The following TM9SF4 variants were observed in gnomAD, a reference collection of about 807,000 sequenced individuals.
The protein encoded by TM9SF4 is dinucleotide oxidase disulfide thiol exchanger 3 superfamily member 4.
Under a neutral mutation model 90.4 loss-of-function variants are expected in TM9SF4, and 26 were observed. The ratio of observed to expected loss-of-function variants is 0.29; its 90% CI spans 0.21 to 0.40. TM9SF4 has a LOEUF of 0.40. Ranked by LOEUF, TM9SF4 falls within the 10% of genes least tolerant of loss-of-function variation. The pLI is 1.00. For missense variants in TM9SF4, 549 were observed against 834.8 expected (o/e 0.66, Z 4.22); for synonymous variants, 293 against 315.4 (o/e 0.93, Z 0.75).
In TM9SF4 at chr20:32,133,065, C is replaced by T; in HGVS notation, c.68C>T (p.Ala23Val). 1 of 1,614,176 alleles carries T rather than the reference C, an allele frequency of 6.2e-7. No individual in the cohort carries two copies. The highest frequency in any genetic ancestry group is 8.5e-7 in the Non-Finnish European group (1 of 1,180,026). Residue 23 changes from alanine to valine, a missense_variant, in exon 2 of 18, where the codon GCC becomes GTC. By Grantham distance (64) the Ala-to-Val change is moderately conservative (BLOSUM62 0). Transcript: ENST00000398022. ...LLFSLMCETSAFYVPGVAPIN... is the reference protein window; with the variant it reads ...LLFSLMCETSVFYVPGVAPIN... ...TTCTCCCTGATGTGTGAAACAAGCG[C>T]CTTCTATGTGCCTGGGGTCGCGCCT...
At chr20:32,132,911 T>C (rs545983147) in intron 1 of TM9SF4, 102 bp from the exon 2 acceptor site, 15 of 1,001,998 alleles carry the variant, frequency 1.5e-5, no homozygotes, top group Non-Finnish European at 2.2e-5. Flanking sequence ...GTGGCTACAC[T>C]GGGTCAATTA....
intron 3 of TM9SF4, among the ~76,000 whole-genome samples, chr20:32,140,238 C>T (rs1184490222): frequency 2.6e-5 from 4 of 152,206 alleles, no homozygotes; most frequent in Non-Finnish European, 4.4e-5. Context: ...AGAATGAAAG[C>T]ACCATGGGGT....
At chr20:32,134,788 T>C (rs933255941) in intron 2 of TM9SF4, among the ~76,000 whole-genome samples, 1 of 152,088 alleles carries the variant, frequency 6.6e-6, no homozygotes, top group East Asian at 1.9e-4. Flanking sequence ...TTCTCCTGCC[T>C]CAGCCTCCTG....
chr20:32,152,395 C>A (rs1600330662), intron 12 of TM9SF4, among the ~76,000 whole-genome samples: 1 of 151,128 alleles, frequency 6.6e-6, no homozygotes, highest in East Asian at 1.9e-4. Context: ...TGATCCAGGC[C>A]CCCCAAGCCA....
At chr20:32,120,142 A>G (rs2046282846) in intron 1 of TM9SF4, among the ~76,000 whole-genome samples, 2 of 152,188 alleles carry the variant, frequency 1.3e-5, no homozygotes, top group Admixed American at 6.5e-5. Flanking sequence ...GTATTTCCAT[A>G]TAAATGCTAG....
chr20:32,141,465 G>A (rs1195101850), intron 3 of TM9SF4, 32 bp from the exon 4 acceptor site: 5 of 1,611,108 alleles, frequency 3.1e-6, no homozygotes, highest in Non-Finnish European at 4.2e-6. Flanking sequence ...CAGGGCTGAA[G>A]CTCTGAGCTT....
At chr20:32,153,141 A>C (rs1487283701) in intron 12 of TM9SF4, among the ~76,000 whole-genome samples, 2 of 152,164 alleles carry the variant, frequency 1.3e-5, no homozygotes, top group Non-Finnish European at 2.9e-5. Flanking sequence ...GATAACTTTC[A>C]ACAGCCCTCT....
intron 13 of TM9SF4, 134 bp from the exon 14 acceptor site, chr20:32,157,660 T>TG: frequency 8.6e-7 from 1 of 1,162,886 alleles, no homozygotes; most frequent in African/African-American, 1.5e-5. Flanking sequence ...AGCCCTGTGG[T>TG]GGGGGCAGGG....
intron 1 of TM9SF4, among the ~76,000 whole-genome samples, chr20:32,112,096 A>T (rs1368067213): frequency 2.0e-5 from 3 of 152,176 alleles, no homozygotes; most frequent in Non-Finnish European, 2.9e-5. Flanking sequence ...TTTGGATTTT[A>T]GTCTAAGCAC....
At chr20:32,115,015 T>G (rs548149789) in intron 1 of TM9SF4, among the ~76,000 whole-genome samples, 67 of 152,344 alleles carry the variant, frequency 4.4e-4, no homozygotes, top group African/African-American at 1.6e-3. Flanking sequence ...AAAATCAGAC[T>G]TATTTTGTTT....
intron 9 of TM9SF4, among the ~76,000 whole-genome samples, chr20:32,148,283 A>G (rs2122431745): frequency 6.6e-6 from 1 of 152,344 alleles, no homozygotes; most frequent in South Asian, 2.1e-4. Flanking sequence ...GTTTTGGACC[A>G]TCATATTAGC....
intron 9 of TM9SF4, 66 bp from the exon 10 acceptor site, chr20:32,149,568 G>C (rs1026669492): frequency 8.1e-6 from 13 of 1,610,656 alleles, no homozygotes; most frequent in Admixed American, 1.7e-5. Flanking sequence ...TGTCACCTTG[G>C]GGGTGGTCCC....
chr20:32,112,311 G>A (rs2046155056), intron 1 of TM9SF4, among the ~76,000 whole-genome samples: 1 of 152,134 alleles, frequency 6.6e-6, no homozygotes, highest in Non-Finnish European at 1.5e-5. Context: ...GCTACTTGCG[G>A]GGCTGAGGTG....
chr20:32,123,866 A>ATATATATATATATATATATATATTTTTTT, intron 1 of TM9SF4, among the ~76,000 whole-genome samples: 10 of 93,956 alleles, frequency 1.1e-4, no homozygotes, highest in African/African-American at 3.2e-4. Context: ...ATATATATAT[A>ATATATATATATATATATATATATTTTTTT]TTTTTTTTTT....
At chr20:32,149,871 C>T (rs1331534793) in intron 10 of TM9SF4, 105 bp downstream of exon 10, 1 of 1,495,736 alleles carries the variant, frequency 6.7e-7, no homozygotes, top group African/African-American at 1.4e-5. Flanking sequence ...GAACCAAGCT[C>T]CTGGCACCAA....
Position 32,136,090 on chromosome 20 carries a change from G to C in TM9SF4, c.146G>C (p.Ser49Thr). ...PVEIKAVKLT[S>T]SRTQLPYEYY... is the part of the protein sequence containing the mutation. ...TCCCATCAGGCTGTGAAGCTCACCA[G>C]CTCTCGAACCCAGCTACCTTATGAA... Residue 49 changes from serine (S) to threonine (T), a missense_variant, in exon 3 of 18, where the codon AGC becomes ACC. This residue lies in a region of TM9SF4 where 495 missense variants were observed against 711.7 expected (regional missense o/e 0.70). Coordinates refer to ENST00000398022, the MANE Select transcript of TM9SF4 (RefSeq NM_014742.4). The C allele has an allele frequency of 1.9e-6, 3 of 1,614,174 alleles. No homozygotes were observed. Among genetic ancestry groups the C allele is most frequent in the Non-Finnish European group, 2.5e-6 (3 of 1,180,020 alleles).
chr20:32,124,788 T>C (rs990990538), intron 1 of TM9SF4, among the ~76,000 whole-genome samples: 3 of 152,116 alleles, frequency 2.0e-5, no homozygotes, highest in African/African-American at 7.2e-5. Context: ...GGTTTCACCA[T>C]CTTGGTCAGG....
Position 32,141,746 on chromosome 20 carries a change from G to A in TM9SF4, c.399-20G>A, listed in dbSNP as rs1310270955. The A allele has an allele frequency of 2.5e-6, 4 of 1,613,904 alleles. No individual in the cohort carries two copies. In the African/African-American group the frequency reaches 5.3e-5, roughly 22 times the overall value. ...GGGAGAGGCGGTCGAGAGGGACTGA[G>A]TGGGGCCTTCACTTTCCAGCATTGC... On this transcript the variant is annotated intron_variant, in intron 4 of 17. Transcript: ENST00000398022.
intron 1 of TM9SF4, among the ~76,000 whole-genome samples, chr20:32,119,701 T>G (rs2122321005): frequency 6.6e-6 from 1 of 152,210 alleles, no homozygotes; most frequent in Non-Finnish European, 1.5e-5. Context: ...TATAATTTTT[T>G]TAATGGATTC....
Sources: gnomAD v4.1 joint callset for allele counts (sites outside exome capture counted in the v4.1 genomes callset) on GRCh38, gnomAD v4.1.1 for gene constraint, gnomAD v4.1.1 regional missense constraint, MANE v1.5 for transcripts, NCBI Gene and HGNC (gene_info 2026-07-23, HGNC 2026-07-21) for gene names.